MTMR6: variants seen among roughly 807,000 people sequenced by gnomAD.
The protein encoded by MTMR6 is myotubularin related protein 6, also known as phosphatidylinositol-3,5-bisphosphate 3-phosphatase MTMR6.
A neutral mutation model predicts 80.1 loss-of-function variants in MTMR6; 47 were observed. The ratio of observed to expected loss-of-function variants is 0.59; its 90% confidence interval spans 0.46 to 0.75. MTMR6 has a LOEUF of 0.75. Ranked by LOEUF, MTMR6 falls within the 30% of genes least tolerant of loss-of-function variation. MTMR6 has a pLI of 0.00. For synonymous variants in MTMR6, 254 were observed against 253.0 expected (o/e 1.00, Z -0.04); for missense variants, 629 against 730.9 (o/e 0.86, Z 1.61).
At chr13:25,264,218 A>G (rs1354807006) in intron 5 of MTMR6, among the ~76,000 whole-genome samples, 1 of 152,022 alleles carries the variant, frequency 6.6e-6, no homozygotes, top group Admixed American at 6.5e-5. Flanking sequence ...AAAAGGATCT[A>G]AGACACAGAC....
intron 1 of MTMR6, among the ~76,000 whole-genome samples, chr13:25,274,939 G>GACACAC (rs1555250640): frequency 3.5e-4 from 15 of 43,004 alleles, no homozygotes; most frequent in African/African-American, 7.5e-4. Context: ...CTAGTAGACA[G>GACACAC]ACACACACAC....
chr13:25,266,420 A>G (rs1170182397), intron 3 of MTMR6, 134 bp from the exon 4 acceptor site: 2 of 717,262 alleles, frequency 2.8e-6, no homozygotes, highest in Admixed American at 6.3e-5. Context: ...ACCTGAATAC[A>G]TTTGATGTTC....
chr13:25,264,797 A>G (rs1957420845), intron 5 of MTMR6, among the ~76,000 whole-genome samples: 1 of 145,520 alleles, frequency 6.9e-6, no homozygotes, highest in Non-Finnish European at 1.5e-5. Context: ...ACACTGGGGA[A>G]AAAGAGGATT....
At chr13:25,253,701 G>C in intron 11 of MTMR6, 63 bp downstream of exon 11, 2 of 1,366,140 alleles carry the variant, frequency 1.5e-6, no homozygotes, top group South Asian at 2.6e-5. Flanking sequence ...TTTCAAACAT[G>C]ATTTTTGTTA....
chr13:25,257,111 G>T, intron 9 of MTMR6, 85 bp downstream of exon 9: 1 of 1,378,784 alleles, frequency 7.3e-7, no homozygotes, highest in Non-Finnish European at 9.9e-7. Context: ...GTGCAAAACT[G>T]TCTCCAACAT....
Position 25,267,935 on chromosome 13 carries a change from G to T in MTMR6, c.148C>A (p.His50Asn), listed in dbSNP as rs1356157916. 1 of 1,605,102 alleles carries T rather than the reference G, an allele frequency of 6.2e-7. No individual in the cohort carries two copies. The highest frequency in any genetic ancestry group is 8.5e-7 in the Non-Finnish European group (1 of 1,175,984). ...DSHQKETWIL[H>N]HHIASVEKLA... is the part of the protein sequence containing the mutation. Reference sequence around the variant, plus strand: ...TTCTCTACTGAGGCAATATGGTGGTGTAATATCTACAGCATGAAAAAACAT... The same window carrying T: ...TTCTCTACTGAGGCAATATGGTGGTTTAATATCTACAGCATGAAAAAACAT... The change falls in exon 3 of 14, where the codon CAC becomes AAC. Residue 50 changes from histidine (H) to asparagine (N), a missense_variant. By Grantham distance (68) the His-to-Asn change is moderately conservative (BLOSUM62 1). Transcript: ENST00000381801.
chr13:25,275,006 ACT>A (rs1957687073), intron 1 of MTMR6, among the ~76,000 whole-genome samples: 2 of 149,060 alleles, frequency 1.3e-5, no homozygotes, highest in Non-Finnish European at 3.0e-5. Flanking sequence ...ACACACACAC[ACT>A]ATGTTGCTGC....
chr13:25,254,115 T>G (rs1408692150), intron 10 of MTMR6, 151 bp from the exon 11 acceptor site: 1 of 852,048 alleles, frequency 1.2e-6, no homozygotes, highest in Non-Finnish European at 1.8e-6. Context: ...TTATGAGTTT[T>G]TAAACCACAG....
intron 1 of MTMR6, among the ~76,000 whole-genome samples, chr13:25,286,011 C>T (rs1390024947): frequency 6.6e-6 from 1 of 152,072 alleles, no homozygotes; most frequent in African/African-American, 2.4e-5. Flanking sequence ...TGTGCACCTT[C>T]TACGAGTTTG....
chr13:25,265,732 A>C (rs767727252), intron 5 of MTMR6, 87 bp downstream of exon 5: 13 of 196,168 alleles, frequency 6.6e-5, no homozygotes, highest in East Asian at 1.7e-4. Flanking sequence ...ACCCTATCTC[A>C]AAAAAAAAAA....
In MTMR6 at chr13:25,249,089, G is replaced by T. The variant is rs1266527380; in HGVS notation, c.*143C>A. The stretch of plus-strand genomic sequence containing the variant: ...ATGACTTATTTCTCTCACAAGGGTA[G>T]TTATTATCCTTCCTTCAACTATTAG... On this transcript the variant is annotated 3_prime_UTR_variant, in exon 14 of 14. Coordinates refer to ENST00000381801, the MANE Select transcript of MTMR6 (RefSeq NM_004685.5). 2.5e-6 allele frequency: 2 copies of T among 788,146 alleles called. No homozygotes were observed. The highest frequency in any genetic ancestry group is 3.9e-6 in the Non-Finnish European group (2 of 509,240). The allele number at this position is 788,146 out of a possible 1,614,324, so 48.8% of individuals were successfully genotyped here.
intron 13 of MTMR6, 67 bp from the exon 14 acceptor site, chr13:25,249,559 A>G: frequency 6.6e-7 from 1 of 1,505,776 alleles, no homozygotes; most frequent in Non-Finnish European, 8.9e-7. Context: ...ATGAAAAAAG[A>G]AAACATGCTT....
At chr13:25,264,537 T>C (rs1457803493) in intron 5 of MTMR6, among the ~76,000 whole-genome samples, 1 of 151,728 alleles carries the variant, frequency 6.6e-6, no homozygotes, top group Non-Finnish European at 1.5e-5. Context: ...GGTGGATCAC[T>C]TGACGTCAGG....
chr13:25,274,974 A>ACACACC (rs1957684305), intron 1 of MTMR6, among the ~76,000 whole-genome samples: 1 of 139,296 alleles, frequency 7.2e-6, no homozygotes, highest in Non-Finnish European at 1.5e-5. Flanking sequence ...ACACACACAC[A>ACACACC]CACACACACA....
At position 25,274,052 on chromosome 13, in the gene MTMR6, C is replaced by CA; in HGVS notation, c.141+18dup. On this transcript the variant is annotated intron_variant, in intron 2 of 13. Transcript: ENST00000381801. ...TCCATTATTATTATGATAAATAGTACAGCTGCGGTCCTCCTTACCCAGGTT... is the reference window on the plus strand; with the variant it reads ...TCCATTATTATTATGATAAATAGTACAAGCTGCGGTCCTCCTTACCCAGGTT... 1 of 1,369,134 alleles carries CA rather than the reference C, an allele frequency of 7.3e-7. No homozygotes were observed. The highest frequency in any genetic ancestry group is 1.2e-5 in the South Asian group (1 of 82,206). The allele number at this position is 1,369,134 out of a possible 1,614,324, so 84.8% of individuals were successfully genotyped here. A position where few individuals can be genotyped will look rare whatever the true frequency, so the allele number is the denominator to read the frequency against.
chr13:25,269,359 G>A (rs546046544), intron 2 of MTMR6, among the ~76,000 whole-genome samples: 2 of 152,222 alleles, frequency 1.3e-5, no homozygotes, highest in South Asian at 4.1e-4. Flanking sequence ...CTAAATGAAT[G>A]AATAAAAAGT....
At chr13:25,265,460 A>C (rs547146226) in intron 5 of MTMR6, among the ~76,000 whole-genome samples, 15 of 152,168 alleles carry the variant, frequency 9.9e-5, no homozygotes, top group Non-Finnish European at 2.1e-4. Flanking sequence ...AGTGTTCTTG[A>C]TCCAGGCACA....
chr13:25,275,082 G>C (rs1223215277), intron 1 of MTMR6, among the ~76,000 whole-genome samples: 1 of 151,484 alleles, frequency 6.6e-6, no homozygotes, highest in Non-Finnish European at 1.5e-5. Flanking sequence ...GGGAATCTTT[G>C]TGTTATTCAT....
chr13:25,269,686 T>C (rs1566040817), intron 2 of MTMR6, among the ~76,000 whole-genome samples: 1 of 151,904 alleles, frequency 6.6e-6, no homozygotes, highest in East Asian at 1.9e-4. Flanking sequence ...TATATGTTAA[T>C]ATTAATTATA....
Sources: gnomAD v4.1 joint callset for allele counts (sites outside exome capture counted in the v4.1 genomes callset) on GRCh38, gnomAD v4.1.1 for gene constraint, MANE v1.5 for transcripts, NCBI Gene and HGNC (gene_info 2026-07-23, HGNC 2026-07-21) for gene names.